NT5DC1: variants seen among roughly 807,000 people sequenced by gnomAD.
NT5DC1 encodes the protein 5'-nucleotidase domain-containing protein 1.
NT5DC1 carries 42 observed loss-of-function variants against 59.4 expected under a neutral mutation model. The ratio of observed to expected loss-of-function variants is 0.71; its 90% CI spans 0.55 to 0.92. The LOEUF is 0.92. NT5DC1 is among the 40% of genes least tolerant of loss of function. NT5DC1 has a pLI of 0.00. For synonymous variants in NT5DC1, 172 were observed against 188.1 expected (o/e 0.91, Z 0.70); for missense variants, 501 against 537.1 (o/e 0.93, Z 0.66).
At chr6:116,219,901 G>A (rs1009358420) in intron 6 of NT5DC1, among the ~76,000 whole-genome samples, 5 of 140,334 alleles carry the variant, frequency 3.6e-5, no homozygotes, top group Non-Finnish European at 7.5e-5. Flanking sequence ...GGCGGAGGTT[G>A]CAGTTAGCCA....
chr6:116,199,434 A>G (rs577909830), intron 6 of NT5DC1, among the ~76,000 whole-genome samples: 1 of 152,150 alleles, frequency 6.6e-6, no homozygotes, highest in South Asian at 2.1e-4. Flanking sequence ...TCCTTTAACT[A>G]CTCTAAGCCT....
At chr6:116,214,679 C>G (rs1042831579) in intron 6 of NT5DC1, among the ~76,000 whole-genome samples, 2 of 152,060 alleles carry the variant, frequency 1.3e-5, no homozygotes, top group Admixed American at 1.3e-4. Flanking sequence ...ACCCACTACT[C>G]TACCAAAAGT....
At chr6:116,101,357 C>A (rs769719912) in intron 1 of NT5DC1, among the ~76,000 whole-genome samples, 5 of 152,170 alleles carry the variant, frequency 3.3e-5, no homozygotes, top group Non-Finnish European at 5.9e-5. Context: ...CTAGGGCTGT[C>A]CTTGAAGATC....
chr6:116,186,376 T>G (rs1211256566), intron 6 of NT5DC1, among the ~76,000 whole-genome samples: 8 of 151,890 alleles, frequency 5.3e-5, no homozygotes, highest in South Asian at 2.1e-4. Context: ...TTGCGATGAA[T>G]TTCCCAGGTG....
intron 6 of NT5DC1, among the ~76,000 whole-genome samples, chr6:116,155,118 CA>C (rs1431600493): frequency 3.3e-5 from 5 of 152,118 alleles, no homozygotes; most frequent in Admixed American, 2.6e-4. Flanking sequence ...CTTTCAATGG[CA>C]AAGTATGTGG....
chr6:116,114,060 A>G (rs963985309), intron 4 of NT5DC1, among the ~76,000 whole-genome samples: 1 of 152,144 alleles, frequency 6.6e-6, no homozygotes, highest in Non-Finnish European at 1.5e-5. Flanking sequence ...TTTTTTCCAG[A>G]TCACTGGTTC....
chr6:116,103,686 T>G (rs1209462335), intron 1 of NT5DC1, among the ~76,000 whole-genome samples: 2 of 152,092 alleles, frequency 1.3e-5, no homozygotes, highest in Non-Finnish European at 2.9e-5. Flanking sequence ...CTTTCAGTTT[T>G]GTAGGCATTT....
At chr6:116,172,896 C>T (rs892150711) in intron 6 of NT5DC1, among the ~76,000 whole-genome samples, 4 of 152,024 alleles carry the variant, frequency 2.6e-5, no homozygotes, top group Non-Finnish European at 5.9e-5. Flanking sequence ...TTTCAGGATT[C>T]TTTTTGCAGG....
At chr6:116,135,285 T>G (rs1156478703) in intron 6 of NT5DC1, among the ~76,000 whole-genome samples, 3 of 152,158 alleles carry the variant, frequency 2.0e-5, no homozygotes, top group African/African-American at 7.2e-5. Context: ...CATTCAAGTT[T>G]ATAAAATGAA....
chr6:116,170,542 C>T (rs1780581722), intron 6 of NT5DC1, among the ~76,000 whole-genome samples: 1 of 152,130 alleles, frequency 6.6e-6, no homozygotes, highest in African/African-American at 2.4e-5. Context: ...AAGTACCTGA[C>T]TCATAATAAG....
intron 1 of NT5DC1, among the ~76,000 whole-genome samples, chr6:116,105,218 C>G (rs987106455): frequency 2.0e-5 from 3 of 152,142 alleles, no homozygotes; most frequent in African/African-American, 4.8e-5. Context: ...TGTGTGCAGG[C>G]CCCTCAGTTT....
intron 5 of NT5DC1, among the ~76,000 whole-genome samples, chr6:116,117,440 T>C (rs1159812706): frequency 2.0e-5 from 3 of 152,330 alleles, no homozygotes; most frequent in East Asian, 1.9e-4. Context: ...CCCTAACTTA[T>C]GATGGGGTTT....
chr6:116,109,161 ACCATTTATTAC>A (rs1274733936), intron 3 of NT5DC1, among the ~76,000 whole-genome samples: 1 of 152,208 alleles, frequency 6.6e-6, no homozygotes, highest in African/African-American at 2.4e-5. Flanking sequence ...ATGAAGCTAT[ACCATTTATTAC>A]ATACACAAAC....
intron 8 of NT5DC1, among the ~76,000 whole-genome samples, chr6:116,230,775 G>A (rs1008060317): frequency 2.6e-5 from 4 of 152,162 alleles, no homozygotes; most frequent in Non-Finnish European, 5.9e-5. Flanking sequence ...GCTTTCACTT[G>A]GCTACAGTTG....
intron 6 of NT5DC1, among the ~76,000 whole-genome samples, chr6:116,174,867 A>G (rs1206765002): frequency 2.0e-5 from 3 of 152,180 alleles, no homozygotes; most frequent in African/African-American, 7.2e-5. Flanking sequence ...CAAACACTAC[A>G]TAAGCCATTT....
chr6:116,145,515 G>A (rs2114379594), intron 6 of NT5DC1: 1 of 325,108 alleles, frequency 3.1e-6, no homozygotes, highest in Non-Finnish European at 7.1e-6. Context: ...AGTGGGTCCT[G>A]TATTATTTCA....
At chr6:116,107,560 A>ATTTTCT (rs748477499) in intron 2 of NT5DC1, among the ~76,000 whole-genome samples, 2,955 of 147,184 alleles carry the variant, frequency 0.02, 61 homozygotes, top group Admixed American at 0.063. Context: ...ATTTTATTTT[A>ATTTTCT]TTTTATTTTA....
chr6:116,227,998 G>A (rs532582515), intron 8 of NT5DC1, among the ~76,000 whole-genome samples: 1 of 152,152 alleles, frequency 6.6e-6, no homozygotes, highest in South Asian at 2.1e-4. Flanking sequence ...TTTGTTGTCT[G>A]TGCATTTCGG....
At position 116,141,885 on chromosome 6, in the gene NT5DC1, A is replaced by AACACACACAC. The variant is rs3051942; in HGVS notation, c.529+23973_529+23982dup. On this transcript the variant is annotated intron_variant, in intron 6 of 11. Coordinates refer to ENST00000319550, the MANE Select transcript of NT5DC1 (RefSeq NM_152729.3). ...GTAAAAGATTTTCTGCCAAAAAGAA[A>AACACACACAC]ACACACACACACACACACACACACA... is the stretch of plus-strand genomic sequence containing the variant. Among the ~76,000 whole-genome samples the AACACACACAC allele has an allele frequency of 3.2e-3, 449 of 140,392 alleles. 7 individuals are homozygous for AACACACACAC. Among genetic ancestry groups the AACACACACAC allele is most frequent in the African/African-American group, 0.011 (406 of 37,462 alleles). 92.1% of individuals were successfully genotyped at this position (140,392 alleles called of 152,430 possible). A position where few individuals can be genotyped will look rare whatever the true frequency, so the allele number is the denominator to read the frequency against.
Sources: allele counts gnomAD v4.1 joint callset (sites outside exome capture counted in the v4.1 genomes callset), GRCh38; gene constraint gnomAD v4.1.1; transcripts MANE v1.5; gene names NCBI Gene and HGNC (gene_info 2026-07-23, HGNC 2026-07-21).